Variants in PPRC1 observed in about 807,000 individuals in gnomAD.
PPRC1 encodes PPARG related coactivator 1, also known as peroxisome proliferator-activated receptor gamma coactivator-related protein 1.
A neutral mutation model predicts 132.5 loss-of-function variants in PPRC1; 23 were observed. The observed-to-expected ratio is 0.17, with a 90% CI of 0.12 to 0.25. The LOEUF is 0.25. PPRC1 is among the 10% of genes least tolerant of loss of function. The pLI is 1.00. For synonymous variants in PPRC1, 872 were observed against 833.5 expected (o/e 1.05, Z -0.80); for missense variants, 2,006 against 2,089.1 (o/e 0.96, Z 0.78).
At chr10:102,144,919 C>T in intron 7 of PPRC1, 101 bp from the exon 8 acceptor site, 1 of 975,684 alleles carries the variant, frequency 1.0e-6, no homozygotes, top group Non-Finnish European at 1.6e-6. Flanking sequence ...GCATCCCATT[C>T]TTCTCTGCAC....
chr10:102,130,034 G>C (rs1343068185), upstream of PPRC1, among the ~76,000 whole-genome samples: 4 of 152,180 alleles, frequency 2.6e-5, no homozygotes, highest in East Asian at 7.7e-4. Flanking sequence ...ATTTTATACA[G>C]AAAACTGTGA....
upstream of PPRC1, among the ~76,000 whole-genome samples, chr10:102,128,459 A>AT (rs1431751331): frequency 4.0e-5 from 6 of 149,524 alleles, no homozygotes; most frequent in South Asian, 4.3e-4. Flanking sequence ...AAAAGCTTCC[A>AT]TTTTTTTGCC....
At position 102,147,362 on chromosome 10, in the gene PPRC1, C is replaced by G; in HGVS notation, c.4370C>G (p.Ser1457Cys). 6.2e-7 allele frequency: 1 copy of G among 1,607,580 alleles called. No homozygotes were observed. Among genetic ancestry groups the G allele is most frequent in the Non-Finnish European group, 8.5e-7 (1 of 1,178,826 alleles). Residue 1457 changes from serine to cysteine, a missense_variant, in exon 9 of 14, where the codon TCC (serine) becomes TGC (cysteine). Physicochemically the swap from Ser to Cys is moderately radical, Grantham distance 112. This residue lies in a region of PPRC1 where 1,914 missense variants were observed against 1,917.2 expected (regional missense o/e 1.00). Transcript: ENST00000278070. ...SSSSSRSRSR[S>C]LSPPHKRWRR... Reference sequence around the variant, plus strand: ...TCCTCATCCCGATCTCGGTCCAGGTCCCTCTCCCCCCCACACAAGAGGTGG... The same window carrying G: ...TCCTCATCCCGATCTCGGTCCAGGTGCCTCTCCCCCCCACACAAGAGGTGG...
At chr10:102,121,317 C>T in the PPRC1 span, among the ~76,000 whole-genome samples, 8 of 152,178 alleles carry the variant, frequency 5.3e-5, no homozygotes, top group South Asian at 4.1e-4. Flanking sequence ...CCTCCGACCC[C>T]CCTGCCTGGA....
chr10:102,124,616 C>G, the PPRC1 span, among the ~76,000 whole-genome samples: 4 of 149,786 alleles, frequency 2.7e-5, no homozygotes, highest in African/African-American at 9.8e-5. Flanking sequence ...GTTGGGATTA[C>G]AGGCGTGAGC....
At chr10:102,143,170 G>A in intron 6 of PPRC1, 72 bp downstream of exon 6, 2 of 1,428,754 alleles carry the variant, frequency 1.4e-6, no homozygotes, top group Non-Finnish European at 9.8e-7. Context: ...CCCTGTAGTT[G>A]CTTAAACTAG....
chr10:102,140,885 C>T lies in PPRC1; in HGVS notation c.2377C>T (p.Pro793Ser). The stretch of plus-strand genomic sequence containing the variant: ...GACTCCCACAGGGCTGGCAGACATC[C>T]CTTGTCTTGTCATCCCACCAGCCCC... Reference protein sequence around the residue: ...PETPTGLADIPCLVIPPAPAK... With the variant: ...PETPTGLADISCLVIPPAPAK... The change falls in exon 5 of 14, where the codon CCT becomes TCT. Residue 793 changes from proline to serine, a missense_variant. Around this residue, in one of 2 missense-constraint regions of PPRC1, gnomAD observed 1,914 missense variants for 1,917.2 expected, o/e 1.00. Coordinates refer to ENST00000278070, the MANE Select transcript of PPRC1 (RefSeq NM_015062.5). 1.9e-6 allele frequency: 3 copies of T among 1,614,072 alleles called. No homozygotes were observed. Among genetic ancestry groups the T allele is most frequent in the Middle Eastern group, 1.6e-4 (1 of 6,062 alleles).
chr10:102,127,882 T>A, the PPRC1 span, among the ~76,000 whole-genome samples: 1 of 151,792 alleles, frequency 6.6e-6, no homozygotes, highest in Non-Finnish European at 1.5e-5. Context: ...GAGACAGGGG[T>A]TTCGCTATGT....
At chr10:102,123,877 G>A in the PPRC1 span, among the ~76,000 whole-genome samples, 1 of 99,458 alleles carries the variant, frequency 1.0e-5, no homozygotes, top group Non-Finnish European at 1.8e-5. Context: ...TTTCGCTCTT[G>A]TTGCCCAGGC....
intron 2 of PPRC1, among the ~76,000 whole-genome samples, chr10:102,138,262 A>C (rs2068798814): frequency 6.6e-6 from 1 of 152,210 alleles, no homozygotes; most frequent in South Asian, 2.1e-4. Flanking sequence ...CTATAGTCCA[A>C]GGCCTTTCCC....
the PPRC1 span, among the ~76,000 whole-genome samples, chr10:102,126,502 A>G: frequency 7.0e-6 from 1 of 142,094 alleles, no homozygotes; most frequent in East Asian, 2.1e-4. Context: ...TCTGTTGCCC[A>G]GGTTGGAGTG....
upstream of PPRC1, among the ~76,000 whole-genome samples, chr10:102,128,949 A>G (rs1483085409): frequency 8.7e-5 from 4 of 46,088 alleles, no homozygotes; most frequent in Non-Finnish European, 1.6e-4. Context: ...TTTTTTTTTG[A>G]GACGGAGTCT....
rs1340874388 is a variant in PPRC1 at position 102,146,910 on chromosome 10, A to C, written c.3918A>C (p.Pro1306=). The stretch of plus-strand genomic sequence containing the variant: ...ATTGTGTCCGGAGCAGGACCCCCCC[A>C]AAAAAGATGCCTGCCCTAGTCATTC... ...HDYCVRSRTP[P]KKMPALVIPE... Residue 1306 remains proline, a synonymous_variant, in exon 9 of 14, where the codon CCA becomes CCC. Transcript: ENST00000278070. 27 of 1,613,846 alleles carry C rather than the reference A, an allele frequency of 1.7e-5. No individual in the cohort carries two copies. Among genetic ancestry groups the C allele is most frequent in the Non-Finnish European group, 2.1e-5 (25 of 1,179,966 alleles).
chr10:102,126,270 A>C, the PPRC1 span, among the ~76,000 whole-genome samples: 11 of 152,152 alleles, frequency 7.2e-5, no homozygotes, highest in East Asian at 2.1e-3. Flanking sequence ...TGAGCCCAAG[A>C]GTTTGAGACA....
chr10:102,140,914 C>A lies in PPRC1; in HGVS notation c.2406C>A (p.Ala802=). 6.2e-7 allele frequency: 1 copy of A among 1,614,018 alleles called. No homozygotes were observed. The highest frequency in any genetic ancestry group is 8.5e-7 in the Non-Finnish European group (1 of 1,180,004). ...GTCTTGTCATCCCACCAGCCCCAGCCAAGAAGACAGCTCTGCAGAGAAGCC... is the reference window on the plus strand; with the variant it reads ...GTCTTGTCATCCCACCAGCCCCAGCAAAGAAGACAGCTCTGCAGAGAAGCC... ...IPCLVIPPAP[A]KKTALQRSPE... Residue 802 remains alanine, a synonymous_variant, in exon 5 of 14, where the codon GCC becomes GCA. Coordinates refer to ENST00000278070, the MANE Select transcript of PPRC1 (RefSeq NM_015062.5).
chr10:102,144,317 G>C lies in PPRC1; in HGVS notation c.3608+10G>C. 6.2e-7 allele frequency: 1 copy of C among 1,612,998 alleles called. No homozygotes were observed. The highest frequency in any genetic ancestry group is 8.5e-7 in the Non-Finnish European group (1 of 1,179,518). On this transcript the variant is annotated intron_variant, in intron 7 of 13. Transcript: ENST00000278070. ...CTGTAGGAAACTCAGGGTAAGTATG[G>C]AGACATGAGCGAGTTACCCTACAGC...
Position 102,140,727 on chromosome 10 carries a change from G to A in PPRC1, c.2219G>A (p.Ser740Asn). 1.2e-6 allele frequency: 2 copies of A among 1,614,052 alleles called. No homozygotes were observed. The highest frequency in any genetic ancestry group is 1.6e-4 in the Middle Eastern group (1 of 6,062). The change falls in exon 5 of 14, where the codon AGT (serine) becomes AAT (asparagine). Residue 740 changes from serine (S) to asparagine (N), a missense_variant. By Grantham distance (46) the Ser-to-Asn change is conservative (BLOSUM62 1). This residue lies in a region of PPRC1 where 1,914 missense variants were observed against 1,917.2 expected (regional missense o/e 1.00). Transcript: ENST00000278070. ...VDSLKIESGT[S>N]ATTHEARPRP... The stretch of plus-strand genomic sequence containing the variant: ...TCTCTGAAAATTGAAAGTGGTACCA[G>A]TGCTACAACCCATGAAGCCAGACCT...
chr10:102,146,457 C>T (rs989224401), intron 8 of PPRC1, among the ~76,000 whole-genome samples: 3 of 152,086 alleles, frequency 2.0e-5, no homozygotes, highest in Non-Finnish European at 2.9e-5. Context: ...ATGAGGGCTT[C>T]AGGAAGACCC....
chr10:102,128,530 A>C (rs1308970381), upstream of PPRC1, among the ~76,000 whole-genome samples: 4 of 152,012 alleles, frequency 2.6e-5, no homozygotes, highest in Non-Finnish European at 5.9e-5. Flanking sequence ...AGAGCAAGAG[A>C]TCCAAAAGAG....
Sources: allele counts gnomAD v4.1 joint callset (sites outside exome capture counted in the v4.1 genomes callset), GRCh38; gene constraint gnomAD v4.1.1; regional missense constraint gnomAD v4.1.1; transcripts MANE v1.5; gene names NCBI Gene and HGNC (gene_info 2026-07-23, HGNC 2026-07-21).